DZIP3: variants seen among roughly 807,000 people sequenced by gnomAD.
DZIP3 encodes E3 ubiquitin-protein ligase DZIP3.
In DZIP3, 118 loss-of-function variants were observed where a neutral mutation model predicts 162.0. The observed-to-expected ratio is 0.73, with a 90% CI of 0.63 to 0.85. The LOEUF (loss-of-function observed/expected upper bound fraction) is 0.85. Ranked by LOEUF, DZIP3 falls within the 40% of genes least tolerant of loss-of-function variation. The pLI, the probability that DZIP3 is intolerant of heterozygous loss-of-function variation, is 0.00. For missense variants in DZIP3, 1,331 were observed against 1,407.0 expected (o/e 0.95, Z 0.86); for synonymous variants, 438 against 458.6 (o/e 0.96, Z 0.57).
At chr3:108,640,482 G>A (rs1942352480) in intron 12 of DZIP3, among the ~76,000 whole-genome samples, 1 of 125,770 alleles carries the variant, frequency 8.0e-6, no homozygotes, top group Non-Finnish European at 1.6e-5. Context: ...GTCTCGCCCT[G>A]TCACCCAGGT....
At chr3:108,648,831 C>A in intron 16 of DZIP3, 87 bp from the exon 17 acceptor site, 1 of 634,558 alleles carries the variant, frequency 1.6e-6, no homozygotes, top group Non-Finnish European at 2.3e-6. Flanking sequence ...AACAAAAGAT[C>A]TCAGTGGTGA....
intron 11 of DZIP3, among the ~76,000 whole-genome samples, chr3:108,637,188 A>G (rs1358313886): frequency 6.6e-6 from 1 of 152,054 alleles, no homozygotes; most frequent in Non-Finnish European, 1.5e-5. Context: ...GTTCATAACT[A>G]AATAGACCAA....
At position 108,636,156 on chromosome 3, in the gene DZIP3, G is replaced by A. The variant is rs779784105; in HGVS notation, c.919-460G>A. On this transcript the variant is annotated intron_variant, in intron 10 of 32. Transcript: ENST00000361582. Reference sequence around the variant, plus strand: ...ATACTTTACAATTTCCTTGATTGTAGGGGCAATTAATATTACTGAATTTTA... The same window carrying A: ...ATACTTTACAATTTCCTTGATTGTAAGGGCAATTAATATTACTGAATTTTA... Among the ~76,000 whole-genome samples the A allele has an allele frequency of 1.2e-4, 18 of 151,918 alleles. 1 individual carries two copies. The Middle Eastern group carries it at 0.014, about 115-fold the overall frequency.
At chr3:108,677,457 T>C (rs1295943628) in intron 25 of DZIP3, 40 bp from the exon 26 acceptor site, 5 of 1,529,836 alleles carry the variant, frequency 3.3e-6, no homozygotes, top group Non-Finnish European at 9.1e-7. Flanking sequence ...CTCTTTAAAG[T>C]TGGTTGTTCT....
intron 9 of DZIP3, 124 bp downstream of exon 9, chr3:108,633,196 A>G (rs1049889153): frequency 7.1e-5 from 27 of 377,906 alleles, no homozygotes; most frequent in African/African-American, 1.1e-4. Flanking sequence ...TTTAATTACA[A>G]TGGTAAAGCA....
intron 19 of DZIP3, 23 bp downstream of exon 19, chr3:108,654,333 C>T (rs1264532541): frequency 1.9e-6 from 3 of 1,611,812 alleles, no homozygotes; most frequent in Non-Finnish European, 2.5e-6. Context: ...AGAGAGGGTG[C>T]CTGCCTTCTC....
chr3:108,595,279 A>G (rs1436052890), intron 1 of DZIP3, among the ~76,000 whole-genome samples: 1 of 152,152 alleles, frequency 6.6e-6, no homozygotes, highest in Non-Finnish European at 1.5e-5. Flanking sequence ...GTGCAGTGGC[A>G]TGATTAATAG....
rs1559757319 is a variant in DZIP3, at chr3:108,649,951, AAAAC to A, written c.2007+994_2007+997del. Among the ~76,000 whole-genome samples, 3 of 151,966 alleles carry A rather than the reference AAAAC, an allele frequency of 2.0e-5. No individual in the cohort carries two copies. In the South Asian group the frequency reaches 6.2e-4, roughly 32 times the overall value. On this transcript the variant is annotated intron_variant, in intron 17 of 32. Coordinates refer to ENST00000361582, the MANE Select transcript of DZIP3 (RefSeq NM_014648.4). Reference sequence around the variant, plus strand: ...GACTTTTAGACAGTTCTTATCTGATAAAACAAACTAATTTGTTATTTTGATGATA... The same window carrying A: ...GACTTTTAGACAGTTCTTATCTGATAAAACTAATTTGTTATTTTGATGATA...
Position 108,648,971 on chromosome 3 carries a change from C to T in DZIP3, c.2007+9C>T. 1 of 1,149,488 alleles carries T rather than the reference C, an allele frequency of 8.7e-7. No homozygotes were observed. The highest frequency in any genetic ancestry group is 1.5e-5 in the South Asian group (1 of 68,418). The allele number at this position is 1,149,488 out of a possible 1,614,324, so 71.2% of individuals were successfully genotyped here. On this transcript the variant is annotated intron_variant, in intron 17 of 32. Coordinates refer to ENST00000361582, the MANE Select transcript of DZIP3 (RefSeq NM_014648.4). ...AGACTAAGAATAAAAAGGTAAGAGA[C>T]TATAATAGCATTATAATACTGATTA... is the stretch of plus-strand genomic sequence containing the variant.
intron 19 of DZIP3, among the ~76,000 whole-genome samples, chr3:108,659,164 G>A (rs543840978): frequency 6.6e-6 from 1 of 152,142 alleles, no homozygotes; most frequent in Non-Finnish European, 1.5e-5. Flanking sequence ...CATCCTGATA[G>A]CAAAGCCGGG....
chr3:108,636,846 C>T (rs1942172020), intron 11 of DZIP3, 138 bp downstream of exon 11: 1 of 588,924 alleles, frequency 1.7e-6, no homozygotes. Context: ...AGCTCTTGAA[C>T]CTTTTTATTA....
intron 15 of DZIP3, among the ~76,000 whole-genome samples, chr3:108,646,998 G>T (rs947855990): frequency 1.3e-5 from 2 of 152,114 alleles, no homozygotes; most frequent in Non-Finnish European, 2.9e-5. Context: ...CCAAGATCAC[G>T]CCACTGCATT....
At chr3:108,662,380 A>G (rs2107303324) in intron 21 of DZIP3, 123 bp downstream of exon 21, 1 of 1,208,140 alleles carries the variant, frequency 8.3e-7, no homozygotes, top group South Asian at 2.1e-5. Context: ...CAACCACACG[A>G]CTGCACTTGT....
In DZIP3 at chr3:108,669,735, A is replaced by T. The variant is rs1453656633; in HGVS notation, c.2478A>T (p.Gln826His). The change falls in exon 22 of 33, where the codon CAA (glutamine) becomes CAT (histidine). Residue 826 changes from glutamine (Q) to histidine (H), a missense_variant. Gln to His is a conservative substitution (Grantham distance 24, BLOSUM62 0). This residue lies in a region of DZIP3 where 1,278 missense variants were observed against 1,317.1 expected (regional missense o/e 0.97). Transcript: ENST00000361582. ...KDNEIKNLKE[Q>H]LSMKRSQWEM... ...ATGAAATCAAGAACCTTAAAGAGCA[A>T]CTTTCTATGAAAAGGTACAAACTTA... 6.2e-7 allele frequency: 1 copy of T among 1,611,096 alleles called. No individual in the cohort carries two copies. The highest frequency in any genetic ancestry group is 8.5e-7 in the Non-Finnish European group (1 of 1,178,202).
chr3:108,599,951 T>A (rs1939913610), intron 1 of DZIP3, among the ~76,000 whole-genome samples: 1 of 152,168 alleles, frequency 6.6e-6, no homozygotes, highest in Non-Finnish European at 1.5e-5. Context: ...ACTAAGACAG[T>A]CATTTCAAAA....
Position 108,605,336 on chromosome 3 carries a change from A to T in DZIP3, c.-71A>T. On this transcript the variant is annotated splice_region_variant and 5_prime_UTR_variant, in exon 2 of 33. Coordinates refer to ENST00000361582, the MANE Select transcript of DZIP3 (RefSeq NM_014648.4). ...ATAAAAATATTATTTTCCTTACAGC[A>T]TTAAAGGGCAGTATTTAAAGTCAGT... 6.3e-7 allele frequency: 1 copy of T among 1,587,126 alleles called. No individual in the cohort carries two copies. The highest frequency in any genetic ancestry group is 8.6e-7 in the Non-Finnish European group (1 of 1,157,004).
At chr3:108,600,158 CT>C (rs1363496917) in intron 1 of DZIP3, among the ~76,000 whole-genome samples, 1 of 152,096 alleles carries the variant, frequency 6.6e-6, no homozygotes, top group Non-Finnish European at 1.5e-5. Flanking sequence ...TTTTGGAATT[CT>C]TTTGGTAAAA....
At chr3:108,621,159 AGT>A (rs1300722951) in intron 5 of DZIP3, among the ~76,000 whole-genome samples, 2 of 152,140 alleles carry the variant, frequency 1.3e-5, no homozygotes, top group Non-Finnish European at 2.9e-5. Flanking sequence ...TAGATACTTC[AGT>A]GTTCGTTATA....
At chr3:108,626,887 A>G (rs1046928122) in intron 7 of DZIP3, among the ~76,000 whole-genome samples, 3 of 152,342 alleles carry the variant, frequency 2.0e-5, no homozygotes, top group African/African-American at 7.2e-5. Context: ...ATGAATTTGG[A>G]AAAGTTTGCT....
Sources: allele counts gnomAD v4.1 joint callset (sites outside exome capture counted in the v4.1 genomes callset), GRCh38; gene constraint gnomAD v4.1.1; regional missense constraint gnomAD v4.1.1; transcripts MANE v1.5; gene names NCBI Gene and HGNC (gene_info 2026-07-23, HGNC 2026-07-21).